The following RBFOX3 variants were observed in gnomAD, a reference collection of about 807,000 sequenced individuals.
RBFOX3 encodes the protein RNA binding fox-1 homolog 3.
Under a neutral mutation model 48.7 loss-of-function variants are expected in RBFOX3, and 17 were observed. That is an observed-to-expected ratio of 0.35 (90% CI 0.24 to 0.52). The LOEUF (loss-of-function observed/expected upper bound fraction) is 0.52, where lower values mean the gene tolerates loss of function less well. RBFOX3 is among the 20% of genes least tolerant of loss of function. RBFOX3 has a pLI of 0.94. For synonymous variants in RBFOX3, 212 were observed against 209.5 expected, an observed-to-expected ratio of 1.01 and a Z score of -0.10; for missense variants, 382 against 497.5, an observed-to-expected ratio of 0.77 and a Z score of 2.21.
chr17:79,162,509 C>G (rs1026361751), intron 4 of RBFOX3, among the ~76,000 whole-genome samples: 1 of 152,226 alleles, frequency 6.6e-6, no homozygotes, highest in African/African-American at 2.4e-5. Flanking sequence ...AATAGGCAGG[C>G]AGGAGCATAA....
At chr17:79,110,427 G>T (rs1187555942) in intron 5 of RBFOX3, among the ~76,000 whole-genome samples, 1 of 152,188 alleles carries the variant, frequency 6.6e-6, no homozygotes. Flanking sequence ...CCCCAGGCAG[G>T]GTCTGGTAGA....
chr17:79,127,941 C>T (rs888987856), intron 4 of RBFOX3, among the ~76,000 whole-genome samples: 3 of 152,238 alleles, frequency 2.0e-5, no homozygotes, highest in African/African-American at 4.8e-5. Flanking sequence ...GCTGCTGGTG[C>T]GGGCAGGGAG....
chr17:79,551,735 T>C (rs2091178959), intron 1 of RBFOX3, among the ~76,000 whole-genome samples: 1 of 152,132 alleles, frequency 6.6e-6, no homozygotes, highest in Non-Finnish European at 1.5e-5. Flanking sequence ...CCTGGAACTT[T>C]CTCCTCATGG....
At chr17:79,218,211 A>T (rs1331322289) in intron 4 of RBFOX3, among the ~76,000 whole-genome samples, 2 of 144,246 alleles carry the variant, frequency 1.4e-5, no homozygotes, top group African/African-American at 5.2e-5. Flanking sequence ...CGAGGCTGGG[A>T]GGGGGTCCTG....
At chr17:79,665,497 C>T in the RBFOX3 span, among the ~76,000 whole-genome samples, 5 of 151,194 alleles carry the variant, frequency 3.3e-5, no homozygotes, top group African/African-American at 1.2e-4. Flanking sequence ...TGGGCAAGAC[C>T]CCTGGCCTCT....
chr17:79,543,267 G>A (rs550466821), intron 1 of RBFOX3, among the ~76,000 whole-genome samples: 14 of 152,304 alleles, frequency 9.2e-5, no homozygotes, highest in Middle Eastern at 3.4e-3. Context: ...AGCAAAGGAC[G>A]TTACAGGTGC....
chr17:79,217,624 A>C (rs927982258), intron 4 of RBFOX3, among the ~76,000 whole-genome samples: 1 of 151,880 alleles, frequency 6.6e-6, no homozygotes, highest in Non-Finnish European at 1.5e-5. Flanking sequence ...GCAGAGGAGG[A>C]AATGGCATCT....
intron 2 of RBFOX3, among the ~76,000 whole-genome samples, chr17:79,380,186 C>A (rs1490603353): frequency 6.6e-6 from 1 of 151,858 alleles, no homozygotes. Flanking sequence ...TCTCCACAAT[C>A]CCCCCCTTGC....
intron 1 of RBFOX3, among the ~76,000 whole-genome samples, chr17:79,493,717 A>G (rs1598927813): frequency 6.6e-6 from 1 of 152,160 alleles, no homozygotes; most frequent in South Asian, 2.1e-4. Flanking sequence ...TTCATTCACT[A>G]CCATAAACCA....
At chr17:79,287,680 C>G (rs1009833612) in intron 3 of RBFOX3, among the ~76,000 whole-genome samples, 2 of 152,130 alleles carry the variant, frequency 1.3e-5, no homozygotes, top group Admixed American at 1.3e-4. Context: ...TGCCCTGTGC[C>G]GGCACTGATG....
At chr17:79,326,080 C>A (rs1370978026) in intron 2 of RBFOX3, among the ~76,000 whole-genome samples, 1 of 152,178 alleles carries the variant, frequency 6.6e-6, no homozygotes, top group Non-Finnish European at 1.5e-5. Context: ...AGGTTAAGAA[C>A]TAGCAAGAGG....
intron 2 of RBFOX3, among the ~76,000 whole-genome samples, chr17:79,370,481 C>T (rs752069337): frequency 1.2e-4 from 18 of 152,178 alleles, no homozygotes; most frequent in African/African-American, 2.4e-4. Context: ...CACTCACACA[C>T]GTGCTCACTC....
chr17:79,368,062 C>A (rs1170096520), intron 2 of RBFOX3, among the ~76,000 whole-genome samples: 1 of 152,222 alleles, frequency 6.6e-6, no homozygotes, highest in African/African-American at 2.4e-5. Context: ...GATTTGCTTT[C>A]ATTTCCTGCT....
In RBFOX3 at chr17:79,482,508, C is replaced by T. The variant is rs1389642672; in HGVS notation, c.-229G>A. ...TGAGCGGGGAGGCCCCAGTGGGGCT[C>T]CTTCTGGACCGTCCTTGGCAAGGAG... On this transcript the variant is annotated 5_prime_UTR_variant, in exon 2 of 15. Coordinates refer to ENST00000693108, the MANE Select transcript of RBFOX3 (RefSeq NM_001350451.2). The surrounding 1 kb of genome is among the most constrained non-coding windows in gnomAD (Gnocchi z 4.1). The T allele has an allele frequency of 6.6e-6, 1 of 152,154 alleles. No homozygotes were observed. Among genetic ancestry groups the T allele is most frequent in the Non-Finnish European group, 1.5e-5 (1 of 68,018 alleles). The allele number at this position is 152,154 out of a possible 1,614,324, so 9.4% of individuals were successfully genotyped here.
intron 4 of RBFOX3, among the ~76,000 whole-genome samples, chr17:79,217,898 G>A (rs377217157): frequency 6.6e-6 from 1 of 152,140 alleles, no homozygotes; most frequent in African/African-American, 2.4e-5. Flanking sequence ...GGAAGGAGGT[G>A]CGGGGTGAGG....
At chr17:79,553,463 T>A (rs2091337096) in intron 1 of RBFOX3, among the ~76,000 whole-genome samples, 6 of 152,140 alleles carry the variant, frequency 3.9e-5, no homozygotes, top group South Asian at 2.1e-4. Context: ...GTAAAAAAAA[T>A]TTTATTCTCA....
intron 4 of RBFOX3, among the ~76,000 whole-genome samples, chr17:79,164,838 C>T (rs2047680176): frequency 6.6e-6 from 1 of 152,206 alleles, no homozygotes; most frequent in African/African-American, 2.4e-5. Context: ...GCAGAAAATG[C>T]AGTGGCCCTA....
chr17:79,569,941 A>G (rs1340197599), intron 1 of RBFOX3, among the ~76,000 whole-genome samples: 1 of 151,486 alleles, frequency 6.6e-6, no homozygotes, highest in African/African-American at 2.4e-5. Context: ...CAGATGGATA[A>G]TAGATGGATG....
chr17:79,137,929 C>T (rs898482283), intron 4 of RBFOX3, among the ~76,000 whole-genome samples: 10 of 152,206 alleles, frequency 6.6e-5, no homozygotes, highest in Non-Finnish European at 1.5e-4. Flanking sequence ...CCTGTCAACT[C>T]GGGGCTGACA....
Sources: allele counts gnomAD v4.1 joint callset (sites outside exome capture counted in the v4.1 genomes callset), GRCh38; gene constraint gnomAD v4.1.1; non-coding constraint Gnocchi (gnomAD v3.1); transcripts MANE v1.5; gene names NCBI Gene and HGNC (gene_info 2026-07-23, HGNC 2026-07-21).